The following SLC35D4 variants were observed in gnomAD, a reference collection of about 807,000 sequenced individuals.
The protein encoded by SLC35D4 is UDP-N-acetylglucosamine transporter SLC35D4.
At chr18:23,287,978 A>G in the SLC35D4 span, among the ~76,000 whole-genome samples, 1 of 152,172 alleles carries the variant, frequency 6.6e-6, no homozygotes, top group Non-Finnish European at 1.5e-5. Flanking sequence ...CACCCTCTAC[A>G]GCTCTCATAA....
the SLC35D4 span, among the ~76,000 whole-genome samples, chr18:23,326,325 G>A: frequency 2.0e-5 from 3 of 152,064 alleles, no homozygotes; most frequent in Non-Finnish European, 2.9e-5. Context: ...GTGCAAAGAC[G>A]CACATAGGCT....
the SLC35D4 span, among the ~76,000 whole-genome samples, chr18:23,349,993 G>A: frequency 6.6e-6 from 1 of 152,198 alleles, no homozygotes; most frequent in African/African-American, 2.4e-5. Context: ...TCTGAGGACA[G>A]ACACCCAGAG....
At chr18:23,253,594 C>CAGGG in the SLC35D4 span, 1 of 729,440 alleles carries the variant, frequency 1.4e-6, no homozygotes, top group South Asian at 1.9e-5. Context: ...CTTCACACTC[C>CAGGG]CAGGGACTTA....
chr18:23,330,511 A>G, the SLC35D4 span, among the ~76,000 whole-genome samples: 6,972 of 152,280 alleles, frequency 0.046, 473 homozygotes, highest in Admixed American at 0.18. Context: ...TACCCCCTAC[A>G]TTAAATACCT....
chr18:23,308,889 T>TGC, the SLC35D4 span, among the ~76,000 whole-genome samples: 1 of 151,816 alleles, frequency 6.6e-6, no homozygotes, highest in Non-Finnish European at 1.5e-5. Flanking sequence ...TGTGTGTGTG[T>TGC]GTGTGTGTGT....
the SLC35D4 span, among the ~76,000 whole-genome samples, chr18:23,349,420 C>A: frequency 2.0e-5 from 3 of 152,150 alleles, no homozygotes; most frequent in Non-Finnish European, 4.4e-5. Context: ...ATCACGAGGT[C>A]AGATATCGAG....
the SLC35D4 span, among the ~76,000 whole-genome samples, chr18:23,278,559 G>A: frequency 6.6e-6 from 1 of 152,094 alleles, no homozygotes; most frequent in African/African-American, 2.4e-5. Flanking sequence ...GTAACCCATC[G>A]TTTCTTAGGG....
At chr18:23,309,586 C>T in the SLC35D4 span, 1 of 1,082,448 alleles carries the variant, frequency 9.2e-7, no homozygotes, top group Non-Finnish European at 1.4e-6. Context: ...AGCCAACGCA[C>T]ACTCCCTTTC....
the SLC35D4 span, among the ~76,000 whole-genome samples, chr18:23,400,823 C>G: frequency 6.6e-6 from 1 of 152,302 alleles, no homozygotes; most frequent in East Asian, 1.9e-4. Context: ...GGCAAGCACT[C>G]CATCCAAGAT....
the SLC35D4 span, among the ~76,000 whole-genome samples, chr18:23,336,745 A>G: frequency 1.7e-4 from 26 of 152,222 alleles, no homozygotes; most frequent in African/African-American, 6.0e-4. Context: ...CAAATAGTGA[A>G]CTGGGGAGAG....
At chr18:23,275,611 G>A in the SLC35D4 span, among the ~76,000 whole-genome samples, 1 of 127,974 alleles carries the variant, frequency 7.8e-6, no homozygotes, top group East Asian at 2.0e-4. Context: ...GCTGTGCTGT[G>A]CTGTGCTGTG....
chr18:23,331,431 A>C, the SLC35D4 span: 5 of 152,014 alleles, frequency 3.3e-5, no homozygotes, highest in African/African-American at 1.2e-4. Context: ...ACCACAAAGC[A>C]AGAGGCCCCA....
At chr18:23,374,716 C>G in the SLC35D4 span, among the ~76,000 whole-genome samples, 607 of 152,198 alleles carry the variant, frequency 4.0e-3, 6 homozygotes, top group African/African-American at 0.014. Flanking sequence ...AACTCCCGAC[C>G]TCAGGTGATC....
At chr18:23,293,737 G>A in the SLC35D4 span, among the ~76,000 whole-genome samples, 1 of 152,144 alleles carries the variant, frequency 6.6e-6, no homozygotes, top group South Asian at 2.1e-4. Context: ...CTCCCCTGCC[G>A]GTATTGAAGA....
chr18:23,384,901 G>A, the SLC35D4 span: 1 of 1,148,584 alleles, frequency 8.7e-7, no homozygotes, highest in Non-Finnish European at 1.3e-6. Context: ...GCAGGAAGAG[G>A]CAGACACTAA....
At chr18:23,392,840 A>T in the SLC35D4 span, among the ~76,000 whole-genome samples, 1 of 152,206 alleles carries the variant, frequency 6.6e-6, no homozygotes, top group Non-Finnish European at 1.5e-5. Flanking sequence ...TGAGTGAGAC[A>T]AGTAAGAACA....
chr18:23,256,017 C>T, the SLC35D4 span, among the ~76,000 whole-genome samples: 2 of 152,200 alleles, frequency 1.3e-5, no homozygotes, highest in Non-Finnish European at 2.9e-5. Context: ...CTTGGCCTTC[C>T]TTACATGGGG....
chr18:23,375,738 T>C, the SLC35D4 span, among the ~76,000 whole-genome samples: 1 of 152,234 alleles, frequency 6.6e-6, no homozygotes, highest in Non-Finnish European at 1.5e-5. Context: ...CTGTTTACTT[T>C]GATATGTCTT....
At chr18:23,329,102 C>T in the SLC35D4 span, among the ~76,000 whole-genome samples, 2 of 152,108 alleles carry the variant, frequency 1.3e-5, no homozygotes, top group East Asian at 1.9e-4. Flanking sequence ...CCATAAAAAC[C>T]CTAGAAGAAA....
Sources: gnomAD v4.1 joint callset for allele counts (sites outside exome capture counted in the v4.1 genomes callset) on GRCh38, gnomAD v4.1.1 for gene constraint, MANE v1.5 for transcripts, NCBI Gene and HGNC (gene_info 2026-07-23, HGNC 2026-07-21) for gene names.